KIAA1217: variants seen among roughly 807,000 people sequenced by gnomAD.
KIAA1217 encodes the protein sickle tail protein homolog.
KIAA1217 carries 88 observed loss-of-function variants against 163.9 expected under a neutral mutation model. The ratio of observed to expected loss-of-function variants is 0.54; its 90% CI spans 0.45 to 0.64. The LOEUF (loss-of-function observed/expected upper bound fraction) is 0.64. Ranked by LOEUF, KIAA1217 falls within the 30% of genes least tolerant of loss-of-function variation. KIAA1217 has a pLI of 0.00. For missense variants in KIAA1217, 2,372 were observed against 2,475.0 expected, an observed-to-expected ratio of 0.96 and a Z score of 0.88; for synonymous variants, 903 against 923.1, an observed-to-expected ratio of 0.98 and a Z score of 0.39.
At chr10:24,415,093 G>GC (rs141795553) in intron 3 of KIAA1217, among the ~76,000 whole-genome samples, 6,891 of 150,366 alleles carry the variant, frequency 0.046, 217 homozygotes, top group South Asian at 0.11. Flanking sequence ...GGAGCAGCAT[G>GC]GTAGCCTGAT....
At chr10:23,785,079 T>C (rs1835430884) in intron 1 of KIAA1217, among the ~76,000 whole-genome samples, 1 of 152,028 alleles carries the variant, frequency 6.6e-6, no homozygotes, top group South Asian at 2.1e-4. Context: ...CTTCTTATCA[T>C]CTTTAAAATA....
At chr10:24,324,383 A>G (rs1407393658) in intron 2 of KIAA1217, among the ~76,000 whole-genome samples, 2 of 152,156 alleles carry the variant, frequency 1.3e-5, no homozygotes, top group Non-Finnish European at 2.9e-5. Context: ...CCTGTCCAAC[A>G]TGGTGAAACC....
chr10:24,071,065 T>G (rs1220458141), intron 2 of KIAA1217, among the ~76,000 whole-genome samples: 1 of 152,168 alleles, frequency 6.6e-6, no homozygotes, highest in Non-Finnish European at 1.5e-5. Flanking sequence ...TGAGACCAAT[T>G]GAAGGGAACA....
chr10:24,520,024 T>G lies in KIAA1217; in HGVS notation c.2178-99T>G, dbSNP rs943221256. On this transcript the variant is annotated intron_variant, in intron 10 of 20. Transcript: ENST00000376454. ...AAAGGCAGGGGGGAGGAGCTGGGGC[T>G]CTACACAAAATCAGAGGCTGAGACG... The G allele has an allele frequency of 2.9e-6, 4 of 1,381,724 alleles. No individual in the cohort carries two copies. The South Asian group carries it at 4.1e-5, about 14-fold the overall frequency. The allele number at this position is 1,381,724 out of a possible 1,614,324, so 85.6% of individuals were successfully genotyped here. A position where few individuals can be genotyped will look rare whatever the true frequency, so the allele number is the denominator to read the frequency against.
intron 2 of KIAA1217, among the ~76,000 whole-genome samples, chr10:24,200,400 A>G (rs1028225787): frequency 1.3e-5 from 2 of 151,514 alleles, no homozygotes; most frequent in Non-Finnish European, 2.9e-5. Context: ...TGATCCTCCC[A>G]CCTCAGCCTC....
intron 2 of KIAA1217, among the ~76,000 whole-genome samples, chr10:24,264,056 G>A (rs1317838701): frequency 2.6e-5 from 4 of 151,982 alleles, no homozygotes; most frequent in Non-Finnish European, 4.4e-5. Flanking sequence ...ATGGGGTTTC[G>A]CCACGTTGGC....
chr10:24,544,365 T>G lies in KIAA1217; in HGVS notation c.5095T>G (p.Ser1699Ala). Reference protein sequence around the residue: ...VDTSCSSNRDSVASSSHIAQE... With the variant: ...VDTSCSSNRDAVASSSHIAQE... ...TACCTCATGTTCTTCCAACAGAGAT[T>G]CTGTTGCAAGTTCATCCCACATAGC... The change falls in exon 19 of 21, where the codon TCT becomes GCT. Residue 1699 changes from serine (S) to alanine (A), a missense_variant. By Grantham distance (99) the Ser-to-Ala change is moderately conservative (BLOSUM62 1). Transcript: ENST00000376454. The G allele has an allele frequency of 6.2e-7, 1 of 1,614,062 alleles. No individual in the cohort carries two copies. The highest frequency in any genetic ancestry group is 8.5e-7 in the Non-Finnish European group (1 of 1,180,014).
At chr10:24,084,591 G>C (rs1262885742) in intron 2 of KIAA1217, among the ~76,000 whole-genome samples, 1 of 152,204 alleles carries the variant, frequency 6.6e-6, no homozygotes, top group Admixed American at 6.5e-5. Context: ...TATTATTTTA[G>C]AGACTGGCAA....
intron 1 of KIAA1217, among the ~76,000 whole-genome samples, chr10:23,844,085 T>C (rs1046562141): frequency 6.6e-6 from 1 of 152,168 alleles, no homozygotes; most frequent in Non-Finnish European, 1.5e-5. Context: ...ATTTTACTGC[T>C]TTTTAAATAT....
chr10:24,040,100 T>C (rs1345811887), intron 2 of KIAA1217, among the ~76,000 whole-genome samples: 1 of 152,240 alleles, frequency 6.6e-6, no homozygotes, highest in Non-Finnish European at 1.5e-5. Context: ...CACACTTCTT[T>C]CCTGGCACTG....
chr10:23,722,914 T>C (rs540555248), intron 1 of KIAA1217, among the ~76,000 whole-genome samples: 1 of 151,958 alleles, frequency 6.6e-6, no homozygotes, highest in Admixed American at 6.5e-5. Flanking sequence ...GGTCCAGCTG[T>C]TCCTCTGTTC....
chr10:24,035,823 G>A (rs898955791), intron 2 of KIAA1217, among the ~76,000 whole-genome samples: 3 of 152,336 alleles, frequency 2.0e-5, no homozygotes, highest in African/African-American at 4.8e-5. Flanking sequence ...AGTTGGCTAT[G>A]CCTTTGGGAT....
intron 2 of KIAA1217, among the ~76,000 whole-genome samples, chr10:24,073,070 A>AAAG (rs1554855619): frequency 2.6e-5 from 4 of 151,918 alleles, no homozygotes; most frequent in African/African-American, 9.7e-5. Context: ...AAAAAAAAAA[A>AAAG]AAAGAAAGAA....
intron 2 of KIAA1217, among the ~76,000 whole-genome samples, chr10:24,114,769 T>G (rs2062986069): frequency 6.6e-6 from 1 of 152,244 alleles, no homozygotes; most frequent in Non-Finnish European, 1.5e-5. Context: ...TCCATAGTTT[T>G]GCCTTGCCCT....
intron 2 of KIAA1217, among the ~76,000 whole-genome samples, chr10:24,094,259 TC>T (rs1457819309): frequency 6.6e-6 from 1 of 152,184 alleles, no homozygotes; most frequent in African/African-American, 2.4e-5. Flanking sequence ...TAGTTTACAG[TC>T]CCACCAACAG....
chr10:24,177,071 G>A (rs1005529317), intron 2 of KIAA1217, among the ~76,000 whole-genome samples: 8 of 151,242 alleles, frequency 5.3e-5, no homozygotes, highest in South Asian at 4.2e-4. Context: ...ATTCCCGCCC[G>A]TGCCTCTCCC....
chr10:24,511,407 C>A (rs890423789), intron 9 of KIAA1217, among the ~76,000 whole-genome samples: 5 of 152,086 alleles, frequency 3.3e-5, no homozygotes, highest in African/African-American at 1.2e-4. Context: ...CTTTGGAAGG[C>A]TGCGGCGGGC....
intron 1 of KIAA1217, among the ~76,000 whole-genome samples, chr10:23,864,072 G>GTTATTATTATTATTATTATTA: frequency 6.7e-6 from 1 of 149,164 alleles, no homozygotes; most frequent in South Asian, 2.1e-4. Flanking sequence ...TTGTAAAGTA[G>GTTATTATTATTATTATTATTA]TTATTATTAT....
chr10:24,326,374 A>G (rs967443786), intron 2 of KIAA1217, among the ~76,000 whole-genome samples: 2 of 152,204 alleles, frequency 1.3e-5, no homozygotes, highest in African/African-American at 4.8e-5. Context: ...AGAATGAAAA[A>G]AAAACTTGCT....
Sources: gnomAD v4.1 joint callset for allele counts (sites outside exome capture counted in the v4.1 genomes callset) on GRCh38, gnomAD v4.1.1 for gene constraint, MANE v1.5 for transcripts, NCBI Gene and HGNC (gene_info 2026-07-23, HGNC 2026-07-21) for gene names.